The following ERBB4 variants were observed in gnomAD, a reference collection of about 807,000 sequenced individuals.
ERBB4 encodes the protein receptor tyrosine-protein kinase erbB-4.
A neutral mutation model predicts 158.0 loss-of-function variants in ERBB4; 42 were observed. That is an observed-to-expected ratio of 0.27 (90% CI 0.21 to 0.34). ERBB4 has a LOEUF of 0.34. Ranked by LOEUF, ERBB4 falls within the 10% of genes least tolerant of loss-of-function variation. ERBB4 has a pLI of 1.00. For missense variants in ERBB4, 1,333 were observed against 1,624.1 expected (o/e 0.82, Z 3.08); for synonymous variants, 583 against 558.7 (o/e 1.04, Z -0.61).
chr2:212,380,689 C>T (rs558641456), intron 1 of ERBB4, among the ~76,000 whole-genome samples: 30 of 150,520 alleles, frequency 2.0e-4, no homozygotes, highest in South Asian at 1.2e-3. Context: ...TATTTTCTCA[C>T]GAGAATTTAG....
chr2:212,444,480 T>C (rs945583567), intron 1 of ERBB4, among the ~76,000 whole-genome samples: 6 of 152,182 alleles, frequency 3.9e-5, no homozygotes, highest in African/African-American at 1.2e-4. Flanking sequence ...GGAAGAGGTA[T>C]GTGGGTGGAC....
At chr2:211,451,930 C>T (rs536974549) in intron 20 of ERBB4, among the ~76,000 whole-genome samples, 1 of 152,296 alleles carries the variant, frequency 6.6e-6, no homozygotes, top group South Asian at 2.1e-4. Flanking sequence ...ATCAAGTTAT[C>T]AGGAGTAAAC....
chr2:211,659,298 C>T (rs1045310348), intron 15 of ERBB4, among the ~76,000 whole-genome samples: 2 of 151,630 alleles, frequency 1.3e-5, no homozygotes, highest in African/African-American at 4.8e-5. Context: ...AGAGAATACA[C>T]CTGTATGAAA....
intron 1 of ERBB4, among the ~76,000 whole-genome samples, chr2:212,330,853 T>C (rs1159294065): frequency 6.6e-6 from 1 of 151,228 alleles, no homozygotes; most frequent in Non-Finnish European, 1.5e-5. Flanking sequence ...GATTTCCTAC[T>C]GGGTAGATTT....
chr2:211,776,960 G>A (rs2106288116), intron 4 of ERBB4, among the ~76,000 whole-genome samples: 1 of 152,208 alleles, frequency 6.6e-6, no homozygotes, highest in East Asian at 1.9e-4. Context: ...AGCGTTCGTG[G>A]TTAAAATATG....
At chr2:211,503,048 G>A (rs1319909450) in intron 20 of ERBB4, among the ~76,000 whole-genome samples, 1 of 152,092 alleles carries the variant, frequency 6.6e-6, no homozygotes, top group Admixed American at 6.5e-5. Context: ...ATCAGCCCCT[G>A]GAGCCAGACT....
At chr2:211,939,107 A>T (rs148493136) in intron 3 of ERBB4, among the ~76,000 whole-genome samples, 1 of 152,284 alleles carries the variant, frequency 6.6e-6, no homozygotes, top group African/African-American at 2.4e-5. Flanking sequence ...TTATATAATG[A>T]TCAAAACAAA....
chr2:211,828,350 C>T (rs35945815), intron 3 of ERBB4, among the ~76,000 whole-genome samples: 35,077 of 151,748 alleles, frequency 0.23, 4,148 homozygotes, highest in South Asian at 0.33. Flanking sequence ...AAAATAAACC[C>T]ACAATACACA....
intron 1 of ERBB4, among the ~76,000 whole-genome samples, chr2:212,240,421 C>T (rs2084040473): frequency 2.6e-5 from 4 of 151,598 alleles, no homozygotes; most frequent in Admixed American, 1.3e-4. Flanking sequence ...CCGAGATGGG[C>T]GTATCACGAG....
chr2:211,594,486 T>C lies in ERBB4; in HGVS notation c.2301+24691A>G, dbSNP rs2068573448. 2.6e-5 allele frequency among the ~76,000 whole-genome samples: 4 copies of C among 152,234 alleles called. No homozygotes were observed. In the South Asian group the frequency reaches 8.3e-4, roughly 32 times the overall value. On this transcript the variant is annotated intron_variant, in intron 19 of 27. Coordinates refer to ENST00000342788, the MANE Select transcript of ERBB4 (RefSeq NM_005235.3). ...AAAAAACTAAGCAATAATTTGCTTT[T>C]ATCAAAATTTTGTAGACCATTCAGA...
intron 1 of ERBB4, among the ~76,000 whole-genome samples, chr2:212,251,281 G>A (rs1326566065): frequency 1.3e-5 from 2 of 151,924 alleles, no homozygotes; most frequent in African/African-American, 4.8e-5. Context: ...GAAGTTAAAA[G>A]CATCCAGCAT....
At chr2:211,730,815 T>G (rs1486273904) in intron 5 of ERBB4, among the ~76,000 whole-genome samples, 2 of 152,062 alleles carry the variant, frequency 1.3e-5, no homozygotes, top group Admixed American at 6.6e-5. Context: ...TTTGGTAGTT[T>G]TAATAAGCTC....
intron 4 of ERBB4, among the ~76,000 whole-genome samples, chr2:211,773,241 A>C (rs2075761535): frequency 6.6e-6 from 1 of 151,296 alleles, no homozygotes; most frequent in African/African-American, 2.4e-5. Flanking sequence ...GAAGCTATGG[A>C]ATTTACTCCA....
At chr2:211,790,164 G>A (rs556061069) in intron 3 of ERBB4, among the ~76,000 whole-genome samples, 10 of 152,174 alleles carry the variant, frequency 6.6e-5, no homozygotes, top group African/African-American at 2.2e-4. Flanking sequence ...TCTACGAAAT[G>A]TGATGATCTC....
chr2:211,773,622 ATATATATAT>A lies in ERBB4; in HGVS notation c.556+14394_556+14402del, dbSNP rs1454038602. Among the ~76,000 whole-genome samples the A allele has an allele frequency of 3.8e-4, 25 of 65,328 alleles. 1 individual carries two copies. Among genetic ancestry groups the A allele is most frequent in the African/African-American group, 1.4e-3 (19 of 13,882 alleles). 42.9% of individuals were successfully genotyped at this position (65,328 alleles called of 152,430 possible). A position where few individuals can be genotyped will look rare whatever the true frequency, so the allele number is the denominator to read the frequency against. On this transcript the variant is annotated intron_variant, in intron 4 of 27. Transcript: ENST00000342788. ...TTTATATATATATATATATATATAT[ATATATATAT>A]ATATATATATATATATAATATATAT...
intron 20 of ERBB4, among the ~76,000 whole-genome samples, chr2:211,523,124 C>G (rs139573292): frequency 6.8e-6 from 1 of 147,172 alleles, no homozygotes; most frequent in East Asian, 2.0e-4. Context: ...GCCCCACTGA[C>G]AGTACCCCAC....
chr2:211,414,930 T>C (rs1056260513), intron 25 of ERBB4, among the ~76,000 whole-genome samples: 61 of 152,190 alleles, frequency 4.0e-4, no homozygotes, highest in African/African-American at 1.4e-3. Context: ...TAGGGCTTTG[T>C]GAAATAAAAG....
chr2:211,949,919 C>T (rs1159955377), intron 2 of ERBB4, among the ~76,000 whole-genome samples: 1 of 152,134 alleles, frequency 6.6e-6, no homozygotes, highest in African/African-American at 2.4e-5. Flanking sequence ...GTATTCGTAA[C>T]CTGTCTCTTT....
chr2:212,180,376 G>A (rs1440307129), intron 1 of ERBB4, among the ~76,000 whole-genome samples: 6 of 151,566 alleles, frequency 4.0e-5, no homozygotes, highest in Admixed American at 6.6e-5. Context: ...CAATCATAGC[G>A]GATATATGAT....
Sources: gnomAD v4.1 joint callset for allele counts (sites outside exome capture counted in the v4.1 genomes callset) on GRCh38, gnomAD v4.1.1 for gene constraint, MANE v1.5 for transcripts, NCBI Gene and HGNC (gene_info 2026-07-23, HGNC 2026-07-21) for gene names.